Variants in MAP3K4 observed in about 807,000 individuals in gnomAD.
The protein encoded by MAP3K4 is MAP three kinase 1.
A neutral mutation model predicts 185.6 loss-of-function variants in MAP3K4; 67 were observed. The ratio of observed to expected loss-of-function variants is 0.36; its 90% CI spans 0.30 to 0.44. MAP3K4 has a LOEUF of 0.44. Among genes scored for constraint, MAP3K4 ranks in the 20% least tolerant of loss-of-function variants. The probability of loss-of-function intolerance (pLI) is 1.00; values close to 1 mark genes in which losing one functional copy is unlikely to be tolerated. For missense variants in MAP3K4, 1,551 were observed against 1,995.1 expected, an observed-to-expected ratio of 0.78 and a Z score of 4.24; for synonymous variants, 702 against 710.4, an observed-to-expected ratio of 0.99 and a Z score of 0.19.
chr6:161,079,792 C>T (rs1320938408), intron 5 of MAP3K4, among the ~76,000 whole-genome samples: 2 of 152,168 alleles, frequency 1.3e-5, no homozygotes, highest in Non-Finnish European at 2.9e-5. Context: ...AGTCACACCA[C>T]ACACCTGGAG....
rs560083682 is a variant in MAP3K4 at position 161,097,724 on chromosome 6, T to C, written c.3524+548T>C. Among the ~76,000 whole-genome samples the C allele has an allele frequency of 2.0e-5, 3 of 152,274 alleles. No individual in the cohort carries two copies. In the East Asian group the frequency reaches 5.8e-4, roughly 29 times the overall value. On this transcript the variant is annotated intron_variant, in intron 16 of 26. Transcript: ENST00000392142. The surrounding 1 kb of genome is among the most constrained non-coding windows in gnomAD (Gnocchi z 4.9). The stretch of plus-strand genomic sequence containing the variant: ...CACCTTCTCTCGCCTGTATAATCAG[T>C]TTTTAAAAGTTTAATTTTATTTGAC...
intron 1 of MAP3K4, among the ~76,000 whole-genome samples, chr6:161,027,518 C>T (rs1278047793): frequency 6.6e-6 from 1 of 152,082 alleles, no homozygotes; most frequent in Admixed American, 6.5e-5. Flanking sequence ...AAAAATCGCT[C>T]TACAAAAGTC....
chr6:161,023,419 A>G (rs549403753), intron 1 of MAP3K4, among the ~76,000 whole-genome samples: 36 of 152,348 alleles, frequency 2.4e-4, no homozygotes, highest in African/African-American at 8.7e-4. Flanking sequence ...AAAGCCGTTA[A>G]TCAGTATGTT....
chr6:161,019,412 CT>C (rs1211595760), intron 1 of MAP3K4, among the ~76,000 whole-genome samples: 1 of 152,132 alleles, frequency 6.6e-6, no homozygotes, highest in Non-Finnish European at 1.5e-5. Flanking sequence ...TGCTTAACAT[CT>C]CTTTCTTTCT....
rs1782163304 is a variant in MAP3K4 at position 161,017,353 on chromosome 6, T to A, written c.153-16906T>A. Among the ~76,000 whole-genome samples, 1 of 152,106 alleles carries A rather than the reference T, an allele frequency of 6.6e-6. No homozygotes were observed. Among genetic ancestry groups the A allele is most frequent in the Admixed American group, 6.5e-5 (1 of 15,268 alleles). On this transcript the variant is annotated intron_variant, in intron 1 of 26. Coordinates refer to ENST00000392142, the MANE Select transcript of MAP3K4 (RefSeq NM_005922.4). This position sits in a 1 kb window ranked among gnomAD's most constrained non-coding sequence, Gnocchi z 5.1. ...GTTAATGATATTTCCCCCTCAGTAA[T>A]AGGGATGAGGGTGATAGAACTACTA...
chr6:161,111,455 A>T (rs542090253), intron 23 of MAP3K4, among the ~76,000 whole-genome samples: 1 of 152,178 alleles, frequency 6.6e-6, no homozygotes. Flanking sequence ...TCTCATCTAC[A>T]TGTCGCTTCC....
intron 2 of MAP3K4, among the ~76,000 whole-genome samples, chr6:161,044,214 T>C (rs1783617064): frequency 6.6e-6 from 1 of 152,232 alleles, no homozygotes; most frequent in Non-Finnish European, 1.5e-5. Flanking sequence ...GGAGATCAGG[T>C]GTCCCATTCA....
intron 2 of MAP3K4, among the ~76,000 whole-genome samples, chr6:161,045,725 C>T (rs893787095): frequency 6.6e-6 from 1 of 152,028 alleles, no homozygotes; most frequent in Non-Finnish European, 1.5e-5. Flanking sequence ...TATTACTTTC[C>T]AATTATAAAT....
rs140481617 is a variant in MAP3K4 at position 161,105,477 on chromosome 6, G to A, written c.3857-1037G>A. 4.5e-3 allele frequency among the ~76,000 whole-genome samples: 689 copies of A among 152,188 alleles called. 9 individuals are homozygous for A. Among genetic ancestry groups the A allele is most frequent in the African/African-American group, 0.016 (652 of 41,520 alleles). ...CATTGTCAAACACCTAGAAAATGGC[G>A]AGGCCAGCATTTTATCCCAGGCATT... On this transcript the variant is annotated intron_variant, in intron 19 of 26. Transcript: ENST00000392142.
intron 17 of MAP3K4, among the ~76,000 whole-genome samples, chr6:161,099,866 G>T (rs750387478): frequency 2.2e-4 from 34 of 152,198 alleles, no homozygotes; most frequent in Admixed American, 3.3e-4. Flanking sequence ...CCTTTTCATG[G>T]AGTTTAGTCT....
intron 4 of MAP3K4, among the ~76,000 whole-genome samples, chr6:161,072,746 A>C (rs1245841726): frequency 6.6e-6 from 1 of 152,204 alleles, no homozygotes; most frequent in East Asian, 1.9e-4. Context: ...CTCATATTAC[A>C]GTCCCTGTTT....
At chr6:161,078,816 G>A (rs892114453) in intron 5 of MAP3K4, among the ~76,000 whole-genome samples, 1 of 152,210 alleles carries the variant, frequency 6.6e-6, no homozygotes, top group Non-Finnish European at 1.5e-5. Context: ...ATAGGTGACA[G>A]TCTGAAGAGG....
intron 1 of MAP3K4, among the ~76,000 whole-genome samples, chr6:161,018,345 A>G (rs1782211856): frequency 6.6e-6 from 1 of 152,192 alleles, no homozygotes; most frequent in Non-Finnish European, 1.5e-5. Context: ...AGGAGCTGTG[A>G]GCTGTGAAAA....
Position 161,007,575 on chromosome 6 carries a change from A to G in MAP3K4, c.152+15492A>G, listed in dbSNP as rs113755520. Among the ~76,000 whole-genome samples the G allele has an allele frequency of 1.3e-5, 2 of 152,144 alleles. No individual in the cohort carries two copies. The highest frequency in any genetic ancestry group is 4.8e-5 in the African/African-American group (2 of 41,416). Reference sequence around the variant, plus strand: ...CATTCTGTCCTTTATAACATAGAATATTTTCATTTGTATTAAATAGTTTGA... The same window carrying G: ...CATTCTGTCCTTTATAACATAGAATGTTTTCATTTGTATTAAATAGTTTGA... On this transcript the variant is annotated intron_variant, in intron 1 of 26. Coordinates refer to ENST00000392142, the MANE Select transcript of MAP3K4 (RefSeq NM_005922.4). This position sits in a 1 kb window ranked among gnomAD's most constrained non-coding sequence, Gnocchi z 4.5.
intron 25 of MAP3K4, among the ~76,000 whole-genome samples, chr6:161,113,790 C>CTTTTTTTTTTTTTTTT (rs963260228): frequency 2.8e-5 from 2 of 71,076 alleles, no homozygotes; most frequent in African/African-American, 5.9e-5. Context: ...ATATGAGTGA[C>CTTTTTTTTTTTTTTTT]TTTTTTTTTT....
At position 161,008,170 on chromosome 6, in the gene MAP3K4, T is replaced by G. The variant is rs1021705859; in HGVS notation, c.152+16087T>G. On this transcript the variant is annotated intron_variant, in intron 1 of 26. Coordinates refer to ENST00000392142, the MANE Select transcript of MAP3K4 (RefSeq NM_005922.4). The surrounding 1 kb of genome is among the most constrained non-coding windows in gnomAD (Gnocchi z 4.1). The stretch of plus-strand genomic sequence containing the variant: ...TCAGTCTACCAGTAGGAACCTTTGT[T>G]GGGTAGCAATTGCATACTCATTTTC... 6.6e-6 allele frequency among the ~76,000 whole-genome samples: 1 copy of G among 152,166 alleles called. No homozygotes were observed. Among genetic ancestry groups the G allele is most frequent in the African/African-American group, 2.4e-5 (1 of 41,446 alleles).
rs1330310545 is a variant in MAP3K4 at position 161,048,776 on chromosome 6, C to T, written c.504C>T (p.Asp168=). 2.5e-6 allele frequency: 4 copies of T among 1,613,970 alleles called. No homozygotes were observed. The African/African-American group carries it at 5.3e-5, about 22-fold the overall frequency. The part of the protein sequence containing the change: ...KKNVQCSFML[D]SVGGSLPKKS... ...ATGTACAGTGCTCATTCATGTTAGA[C>T]TCAGTGGGTGGATCTTTGCCAAAAA... The change falls in exon 3 of 27, where the codon GAC becomes GAT. Residue 168 remains aspartate, a synonymous_variant. Coordinates refer to ENST00000392142, the MANE Select transcript of MAP3K4 (RefSeq NM_005922.4). This position sits in a 1 kb window ranked among gnomAD's most constrained non-coding sequence, Gnocchi z 4.7.
At chr6:161,092,500 T>C (rs1414621431) in intron 13 of MAP3K4, among the ~76,000 whole-genome samples, 1 of 152,192 alleles carries the variant, frequency 6.6e-6, no homozygotes, top group Non-Finnish European at 1.5e-5. Context: ...GGCTCAATAC[T>C]AGCTCCACTA....
At chr6:161,050,220 A>G (rs911179896) in intron 3 of MAP3K4, among the ~76,000 whole-genome samples, 1 of 152,206 alleles carries the variant, frequency 6.6e-6, no homozygotes. Flanking sequence ...AACCACGTAA[A>G]TACAGGATGG....
Sources: gnomAD v4.1 joint callset for allele counts (sites outside exome capture counted in the v4.1 genomes callset) on GRCh38, gnomAD v4.1.1 for gene constraint, Gnocchi (gnomAD v3.1) non-coding constraint, MANE v1.5 for transcripts, NCBI Gene and HGNC (gene_info 2026-07-23, HGNC 2026-07-21) for gene names.